The following OR4M1 variants were observed in gnomAD, a reference collection of about 807,000 sequenced individuals.
OR4M1 encodes olfactory receptor family 4 subfamily M member 1, also known as olfactory receptor 4M1.
A neutral mutation model predicts 9.8 loss-of-function variants in OR4M1; 7 were observed. That is an observed-to-expected ratio of 0.71 (90% CI 0.41 to 1.34). OR4M1 has a LOEUF of 1.34. OR4M1 is among the 40% of genes most tolerant of loss of function. The pLI, the probability that OR4M1 is intolerant of heterozygous loss-of-function variation, is 0.01. For synonymous variants in OR4M1, 121 were observed against 139.8 expected, an observed-to-expected ratio of 0.87 and a Z score of 0.95; for missense variants, 331 against 380.4, an observed-to-expected ratio of 0.87 and a Z score of 1.08.
At position 19,781,797 on chromosome 14, in the gene OR4M1, A is replaced by G. The variant is rs1594379696; in HGVS notation, c.*533A>G. Reference sequence around the variant, plus strand: ...TTATTTCCAGAGTTGATGGAAAATGAGGATTCATTTATAGAAGGTATTTCA... The same window carrying G: ...TTATTTCCAGAGTTGATGGAAAATGGGGATTCATTTATAGAAGGTATTTCA... On this transcript the variant is annotated 3_prime_UTR_variant, in exon 2 of 2. Transcript: ENST00000641200. 6.4e-6 allele frequency: 1 copy of G among 155,816 alleles called. No homozygotes were observed. Among genetic ancestry groups the G allele is most frequent in the East Asian group, 1.9e-4 (1 of 5,244 alleles). 9.7% of individuals were successfully genotyped at this position (155,816 alleles called of 1,614,324 possible). A position where few individuals can be genotyped will look rare whatever the true frequency, so the allele number is the denominator to read the frequency against.
intron 1 of OR4M1, among the ~76,000 whole-genome samples, chr14:19,777,630 T>C (rs1379777024): frequency 1.3e-5 from 2 of 152,232 alleles, no homozygotes; most frequent in Non-Finnish European, 2.9e-5. Flanking sequence ...AGGTAGCATA[T>C]AGTAGATACT....
At chr14:19,776,808 G>T (rs1323440878) in intron 1 of OR4M1, among the ~76,000 whole-genome samples, 4 of 151,934 alleles carry the variant, frequency 2.6e-5, no homozygotes, top group Non-Finnish European at 5.9e-5. Flanking sequence ...GTATGTGCTG[G>T]ATGAACCTCA....
Position 19,783,598 on chromosome 14 carries a change from A to G in OR4M1, c.*2334A>G, listed in dbSNP as rs1402425870. On this transcript the variant is annotated 3_prime_UTR_variant, in exon 2 of 2. Coordinates refer to ENST00000641200, the MANE Select transcript of OR4M1 (RefSeq NM_001005500.2). The stretch of plus-strand genomic sequence containing the variant: ...AGCAATCACATACAAAATATGCCTC[A>G]GGACTCCTTTTCCCTATATAACTCC... 1.3e-5 allele frequency: 2 copies of G among 152,358 alleles called. No homozygotes were observed. Among genetic ancestry groups the G allele is most frequent in the African/African-American group, 4.8e-5 (2 of 41,482 alleles). 9.4% of individuals were successfully genotyped at this position (152,358 alleles called of 1,614,324 possible). A position where few individuals can be genotyped will look rare whatever the true frequency, so the allele number is the denominator to read the frequency against.
chr14:19,775,124 C>T (rs111715108), intron 1 of OR4M1, among the ~76,000 whole-genome samples: 1 of 152,334 alleles, frequency 6.6e-6, no homozygotes, highest in African/African-American at 2.4e-5. Flanking sequence ...CTGATATCAA[C>T]CAACCACTGA....
At chr14:19,777,226 GACTA>G (rs1203560897) in intron 1 of OR4M1, among the ~76,000 whole-genome samples, 1 of 148,868 alleles carries the variant, frequency 6.7e-6, no homozygotes, top group African/African-American at 2.4e-5. Context: ...CTTGGTCTTT[GACTA>G]ACTCTTTATT....
Position 19,776,206 on chromosome 14 carries a change from C to T in OR4M1, c.-30+2613C>T, listed in dbSNP as rs148992996. 6.0e-3 allele frequency among the ~76,000 whole-genome samples: 907 copies of T among 152,098 alleles called. 2 individuals carry two copies. The highest frequency in any genetic ancestry group is 0.024 in the Middle Eastern group (7 of 292). Reference sequence around the variant, plus strand: ...TGCTACCCAAATCATTCTTAATTTACCTTTCTGAGAATTTTACTCTTCATA... The same window carrying T: ...TGCTACCCAAATCATTCTTAATTTATCTTTCTGAGAATTTTACTCTTCATA... On this transcript the variant is annotated intron_variant, in intron 1 of 1. Coordinates refer to ENST00000641200, the MANE Select transcript of OR4M1 (RefSeq NM_001005500.2).
At chr14:19,775,411 C>G (rs572831173) in intron 1 of OR4M1, among the ~76,000 whole-genome samples, 245 of 152,130 alleles carry the variant, frequency 1.6e-3, no homozygotes, top group African/African-American at 5.8e-3. Flanking sequence ...AATAGCCACC[C>G]TGCAGGCTGC....
intron 1 of OR4M1, among the ~76,000 whole-genome samples, chr14:19,774,189 T>G (rs1878245711): frequency 6.6e-6 from 1 of 152,226 alleles, no homozygotes. Context: ...AGACTCTTAC[T>G]TGAAATAAAT....
Position 19,780,389 on chromosome 14 carries a change from G to A in OR4M1, c.67G>A (p.Val23Ile), listed in dbSNP as rs767274151. Residue 23 changes from valine to isoleucine, a missense_variant, in exon 2 of 2, where the codon GTC becomes ATC. Transcript: ENST00000641200. ...VLTGLSQTRE[V>I]QLVLFVIFLS... is the part of the protein sequence containing the mutation. ...CACTGGCCTATCCCAGACTCGGGAGGTCCAACTAGTCCTATTTGTTATATT... is the reference window on the plus strand; with the variant it reads ...CACTGGCCTATCCCAGACTCGGGAGATCCAACTAGTCCTATTTGTTATATT... The A allele has an allele frequency of 6.2e-7, 1 of 1,614,084 alleles. No individual in the cohort carries two copies. The highest frequency in any genetic ancestry group is 1.3e-5 in the African/African-American group (1 of 74,948).
rs1257757618 is a variant in OR4M1 at position 19,783,224 on chromosome 14, A to G, written c.*1960A>G. ...CTCTAGTAAGTAATAACTGAGCCTG[A>G]TTCATGGAGGACATAATTGGAATAA... is the stretch of plus-strand genomic sequence containing the variant. On this transcript the variant is annotated 3_prime_UTR_variant, in exon 2 of 2. Transcript: ENST00000641200. 6.6e-6 allele frequency: 1 copy of G among 152,318 alleles called. No individual in the cohort carries two copies. Among genetic ancestry groups the G allele is most frequent in the Non-Finnish European group, 1.5e-5 (1 of 68,078 alleles). 9.4% of individuals were successfully genotyped at this position (152,318 alleles called of 1,614,324 possible). A position where few individuals can be genotyped will look rare whatever the true frequency, so the allele number is the denominator to read the frequency against.
At position 19,781,489 on chromosome 14, in the gene OR4M1, A is replaced by C. The variant is rs182709480; in HGVS notation, c.*225A>C. The C allele has an allele frequency of 4.1e-5, 21 of 514,694 alleles. No homozygotes were observed. The highest frequency in any genetic ancestry group is 6.4e-5 in the Non-Finnish European group (19 of 295,726). 31.9% of individuals were successfully genotyped at this position (514,694 alleles called of 1,614,324 possible). On this transcript the variant is annotated 3_prime_UTR_variant, in exon 2 of 2. Coordinates refer to ENST00000641200, the MANE Select transcript of OR4M1 (RefSeq NM_001005500.2). Reference sequence around the variant, plus strand: ...AAATTCCAGGCAGATCATTATTAGAATTTGAGATATAATAATAATCTGCTA... The same window carrying C: ...AAATTCCAGGCAGATCATTATTAGACTTTGAGATATAATAATAATCTGCTA...
chr14:19,779,760 C>T (rs996024500), intron 1 of OR4M1, among the ~76,000 whole-genome samples: 1 of 152,204 alleles, frequency 6.6e-6, no homozygotes, highest in Non-Finnish European at 1.5e-5. Context: ...GTTTTGGTTA[C>T]GCTTATGGAA....
chr14:19,777,917 G>T (rs1878359236), intron 1 of OR4M1, among the ~76,000 whole-genome samples: 1 of 152,056 alleles, frequency 6.6e-6, no homozygotes, highest in African/African-American at 2.4e-5. Flanking sequence ...TAGTGGCTGA[G>T]CATTACTAGC....
rs149519687 is a variant in OR4M1 at position 19,778,334 on chromosome 14, G to A, written c.-29-1960G>A. Reference sequence around the variant, plus strand: ...TTTGGTGGAATGGGTATGGAGTAGAGCAGAGGAGGAAGGGGTGATTTGTGT... The same window carrying A: ...TTTGGTGGAATGGGTATGGAGTAGAACAGAGGAGGAAGGGGTGATTTGTGT... On this transcript the variant is annotated intron_variant, in intron 1 of 1. Coordinates refer to ENST00000641200, the MANE Select transcript of OR4M1 (RefSeq NM_001005500.2). 2.1e-3 allele frequency among the ~76,000 whole-genome samples: 323 copies of A among 152,278 alleles called. 5 individuals are homozygous for A. The highest frequency in any genetic ancestry group is 0.02 in the Admixed American group (310 of 15,242).
intron 1 of OR4M1, among the ~76,000 whole-genome samples, chr14:19,774,704 A>G (rs1566449673): frequency 6.6e-6 from 1 of 152,254 alleles, no homozygotes; most frequent in African/African-American, 2.4e-5. Context: ...GGGATACATC[A>G]ACAATGTAAC....
chr14:19,781,228 G>A lies in OR4M1; in HGVS notation c.906G>A (p.Lys302=), dbSNP rs1357650833. 6.2e-7 allele frequency: 1 copy of A among 1,612,824 alleles called. No homozygotes were observed. The highest frequency in any genetic ancestry group is 1.7e-5 in the Admixed American group (1 of 59,924). Residue 302 remains lysine, a synonymous_variant, in exon 2 of 2, where the codon AAG becomes AAA. Transcript: ENST00000641200. ...RNKEVKAAMR[K]VVTKYILCEE... is the part of the protein sequence containing the mutation. Reference sequence around the variant, plus strand: ...AGGAAGTAAAGGCAGCCATGAGGAAGGTGGTCACCAAATATATTTTGTGTG... The same window carrying A: ...AGGAAGTAAAGGCAGCCATGAGGAAAGTGGTCACCAAATATATTTTGTGTG...
chr14:19,781,691 T>C lies in OR4M1; in HGVS notation c.*427T>C, dbSNP rs541622166. On this transcript the variant is annotated 3_prime_UTR_variant, in exon 2 of 2. Coordinates refer to ENST00000641200, the MANE Select transcript of OR4M1 (RefSeq NM_001005500.2). ...GTTAGCAAATAAATATTGTCAAGTTTCAGTGTTGGCTCAGTGGAATGGTAT... is the reference window on the plus strand; with the variant it reads ...GTTAGCAAATAAATATTGTCAAGTTCCAGTGTTGGCTCAGTGGAATGGTAT... 5.6e-5 allele frequency: 10 copies of C among 177,856 alleles called. No homozygotes were observed. In the South Asian group the frequency reaches 1.3e-3, roughly 23 times the overall value. The allele number at this position is 177,856 out of a possible 1,614,324, so 11.0% of individuals were successfully genotyped here.
At chr14:19,778,367 C>T (rs1229742717) in intron 1 of OR4M1, among the ~76,000 whole-genome samples, 2 of 152,202 alleles carry the variant, frequency 1.3e-5, no homozygotes, top group Non-Finnish European at 2.9e-5. Context: ...TGTGACGACA[C>T]TCAGAATCAT....
At chr14:19,775,937 C>T (rs1437627168) in intron 1 of OR4M1, among the ~76,000 whole-genome samples, 1 of 151,930 alleles carries the variant, frequency 6.6e-6, no homozygotes, top group Admixed American at 6.6e-5. Context: ...GGCAACGATG[C>T]ACACAGAAAA....
Sources: allele counts gnomAD v4.1 joint callset (sites outside exome capture counted in the v4.1 genomes callset), GRCh38; gene constraint gnomAD v4.1.1; transcripts MANE v1.5; gene names NCBI Gene and HGNC (gene_info 2026-07-23, HGNC 2026-07-21).